The following NTN4 variants were observed in gnomAD, a reference collection of about 807,000 sequenced individuals.
NTN4 encodes the protein netrin 4.
Under a neutral mutation model 73.6 loss-of-function variants are expected in NTN4, and 32 were observed. That is an observed-to-expected ratio of 0.44 (90% CI 0.33 to 0.58). NTN4 has a LOEUF of 0.58. Ranked by LOEUF, NTN4 falls within the 20% of genes least tolerant of loss-of-function variation. The probability of loss-of-function intolerance (pLI) is 0.04; values close to 1 mark genes in which losing one functional copy is unlikely to be tolerated. For synonymous variants in NTN4, 258 were observed against 287.5 expected, an observed-to-expected ratio of 0.90 and a Z score of 1.04; for missense variants, 654 against 798.3, an observed-to-expected ratio of 0.82 and a Z score of 2.18.
chr12:95,728,464 A>T (rs1407468977), intron 3 of NTN4, among the ~76,000 whole-genome samples: 1 of 152,196 alleles, frequency 6.6e-6, no homozygotes, highest in Non-Finnish European at 1.5e-5. Context: ...GTTCCTTTCT[A>T]ACCTTTATTA....
At position 95,658,873 on chromosome 12, in the gene NTN4, A is replaced by G. The variant is rs933705340; in HGVS notation, c.*213T>C. ...TCAGAATCAGTCCCATAGAAAACAGATATCAGTGTAGGGGTTTTCATTTCT... is the reference window on the plus strand; with the variant it reads ...TCAGAATCAGTCCCATAGAAAACAGGTATCAGTGTAGGGGTTTTCATTTCT... On this transcript the variant is annotated 3_prime_UTR_variant, in exon 10 of 10. Transcript: ENST00000343702. 3.1e-5 allele frequency: 12 copies of G among 393,378 alleles called. No individual in the cohort carries two copies. The highest frequency in any genetic ancestry group is 2.1e-4 in the African/African-American group (10 of 48,268). The allele number at this position is 393,378 out of a possible 1,614,324, so 24.4% of individuals were successfully genotyped here.
chr12:95,753,084 A>AC (rs1307662846), intron 2 of NTN4, among the ~76,000 whole-genome samples: 2 of 151,366 alleles, frequency 1.3e-5, no homozygotes, highest in Non-Finnish European at 2.9e-5. Context: ...CCTGATATTC[A>AC]CCCCATTTCC....
chr12:95,662,304 C>G lies in NTN4; in HGVS notation c.1751-3082G>C, dbSNP rs913019920. Among the ~76,000 whole-genome samples the G allele has an allele frequency of 3.5e-5, 5 of 144,880 alleles. No individual in the cohort carries two copies. The Admixed American group carries it at 3.6e-4, about 10-fold the overall frequency. ...GACGTGCAGTGGCACCATCTGAACT[C>G]TGTAGCCTCCACCTCCCTAGGCTCA... On this transcript the variant is annotated intron_variant, in intron 9 of 9. Coordinates refer to ENST00000343702, the MANE Select transcript of NTN4 (RefSeq NM_021229.4).
intron 2 of NTN4, among the ~76,000 whole-genome samples, chr12:95,765,112 T>C (rs1327438320): frequency 1.3e-5 from 2 of 152,256 alleles, no homozygotes; most frequent in East Asian, 1.9e-4. Context: ...GACATTTTAC[T>C]TTAAGCTCAT....
At chr12:95,736,812 T>C (rs911655063) in intron 3 of NTN4, among the ~76,000 whole-genome samples, 9 of 152,206 alleles carry the variant, frequency 5.9e-5, no homozygotes, top group African/African-American at 2.2e-4. Context: ...TTAGTTACCC[T>C]GATGCTGCCC....
chr12:95,782,179 T>C (rs1365363522), intron 2 of NTN4, among the ~76,000 whole-genome samples: 2 of 152,218 alleles, frequency 1.3e-5, no homozygotes, highest in African/African-American at 2.4e-5. Flanking sequence ...CTCATTTATT[T>C]ATTCAGTTAC....
At chr12:95,676,690 T>A (rs2078275746) in intron 7 of NTN4, among the ~76,000 whole-genome samples, 1 of 149,228 alleles carries the variant, frequency 6.7e-6, no homozygotes, top group African/African-American at 2.5e-5. Flanking sequence ...AAAAGCAAAC[T>A]TAGAGAAAAC....
At chr12:95,778,048 T>C (rs201036151) in intron 2 of NTN4, among the ~76,000 whole-genome samples, 10 of 152,068 alleles carry the variant, frequency 6.6e-5, no homozygotes, top group African/African-American at 1.7e-4. Context: ...GAACAACCTG[T>C]TCCTGAATGA....
intron 2 of NTN4, among the ~76,000 whole-genome samples, chr12:95,760,680 C>CTTTTTTTTT (rs11308260): frequency 7.6e-6 from 1 of 130,790 alleles, no homozygotes; most frequent in African/African-American, 2.9e-5. Flanking sequence ...ATTGTATCAT[C>CTTTTTTTTT]TTTTTTTTTT....
At chr12:95,785,817 C>T in intron 2 of NTN4, among the ~76,000 whole-genome samples, 1 of 152,160 alleles carries the variant, frequency 6.6e-6, no homozygotes, top group Non-Finnish European at 1.5e-5. Context: ...TTTCTGTAGC[C>T]ATGGTGATCC....
chr12:95,772,237 G>A (rs183754736), intron 2 of NTN4, among the ~76,000 whole-genome samples: 2 of 152,062 alleles, frequency 1.3e-5, no homozygotes, highest in East Asian at 3.9e-4. Context: ...ACAGGGTTTC[G>A]CCATGTTACC....
At chr12:95,784,901 T>A (rs1046798721) in intron 2 of NTN4, among the ~76,000 whole-genome samples, 2 of 152,218 alleles carry the variant, frequency 1.3e-5, no homozygotes, top group Non-Finnish European at 2.9e-5. Flanking sequence ...TAAACATTGA[T>A]GACAATAAAT....
chr12:95,703,478 A>T (rs2078501654), intron 5 of NTN4, among the ~76,000 whole-genome samples: 1 of 152,178 alleles, frequency 6.6e-6, no homozygotes, highest in Admixed American at 6.6e-5. Context: ...GTCCCAAAAG[A>T]TGCTTTGAAA....
intron 3 of NTN4, among the ~76,000 whole-genome samples, chr12:95,735,945 A>ATTTT (rs1407329925): frequency 3.1e-4 from 42 of 135,352 alleles, no homozygotes; most frequent in African/African-American, 8.5e-4. Context: ...TTATTTATTT[A>ATTTT]TTTATTTTTT....
chr12:95,737,843 A>G, intron 3 of NTN4, 23 bp downstream of exon 3: 1 of 1,593,934 alleles, frequency 6.3e-7, no homozygotes, highest in Admixed American at 1.7e-5. Context: ...TGTTTTTCTT[A>G]GGGGAGGACT....
intron 2 of NTN4, among the ~76,000 whole-genome samples, chr12:95,785,206 G>T (rs1012460665): frequency 6.6e-6 from 1 of 152,182 alleles, no homozygotes; most frequent in African/African-American, 2.4e-5. Context: ...CTGCCATCTG[G>T]TTACTAAAAC....
chr12:95,695,544 C>T (rs3885165), intron 5 of NTN4, among the ~76,000 whole-genome samples: 73,838 of 151,650 alleles, frequency 0.49, 18,741 homozygotes, highest in Non-Finnish European at 0.57. Flanking sequence ...TTTGTATTTT[C>T]AGTAGAGACA....
intron 3 of NTN4, among the ~76,000 whole-genome samples, chr12:95,728,013 G>A (rs974382504): frequency 4.6e-5 from 7 of 151,886 alleles, no homozygotes; most frequent in African/African-American, 1.7e-4. Context: ...TATATGCCCT[G>A]CATTTGGTTA....
chr12:95,674,347 G>A (rs1403414320), intron 7 of NTN4, among the ~76,000 whole-genome samples: 1 of 152,106 alleles, frequency 6.6e-6, no homozygotes, highest in African/African-American at 2.4e-5. Flanking sequence ...GCAGACATAG[G>A]TCTATTGTTT....
Sources: allele counts gnomAD v4.1 joint callset (sites outside exome capture counted in the v4.1 genomes callset), GRCh38; gene constraint gnomAD v4.1.1; transcripts MANE v1.5; gene names NCBI Gene and HGNC (gene_info 2026-07-23, HGNC 2026-07-21).